Variants in PDE6C observed in about 807,000 individuals in gnomAD.
PDE6C encodes phosphodiesterase 6C.
In PDE6C, 75 loss-of-function variants were observed where a neutral mutation model predicts 113.1. The ratio of observed to expected loss-of-function variants is 0.66; its 90% CI spans 0.55 to 0.80. The LOEUF (loss-of-function observed/expected upper bound fraction) is 0.80, where lower values mean the gene tolerates loss of function less well. Ranked by LOEUF, PDE6C falls within the 30% of genes least tolerant of loss-of-function variation. The pLI, the probability that PDE6C is intolerant of heterozygous loss-of-function variation, is 0.00. For missense variants in PDE6C, 912 were observed against 1,038.6 expected, an observed-to-expected ratio of 0.88 and a Z score of 1.67; for synonymous variants, 375 against 363.7, an observed-to-expected ratio of 1.03 and a Z score of -0.35.
intron 1 of PDE6C, among the ~76,000 whole-genome samples, chr10:93,620,061 T>C (rs976477647): frequency 6.6e-6 from 1 of 151,926 alleles, no homozygotes; most frequent in African/African-American, 2.4e-5. Context: ...TTAGAAAAAA[T>C]AGAAAACTCT....
In PDE6C at chr10:93,639,988, G is replaced by A; in HGVS notation, c.1483-82G>A. ...ATTGTGTTCTTTTATTGTAATTTTG[G>A]TTTACACCCAATGTTGGCTATGGGA... On this transcript the variant is annotated intron_variant, in intron 11 of 21. Coordinates refer to ENST00000371447, the MANE Select transcript of PDE6C (RefSeq NM_006204.4). 6.3e-6 allele frequency: 9 copies of A among 1,420,472 alleles called. No individual in the cohort carries two copies. The South Asian group carries it at 1.0e-4, about 16-fold the overall frequency. The allele number at this position is 1,420,472 out of a possible 1,614,324, so 88.0% of individuals were successfully genotyped here.
chr10:93,665,257 C>T, intron 21 of PDE6C, 103 bp from the exon 22 acceptor site: 1 of 888,552 alleles, frequency 1.1e-6, no homozygotes, highest in East Asian at 2.4e-5. Flanking sequence ...GTTAAAATGA[C>T]TAATTAGTCT....
rs1429632937 is a variant in PDE6C at position 93,612,681 on chromosome 10, T to C, written c.-45T>C. ...CATCACTCTGCCTCAGGTAGTGCTCTGAAGGTCGTCCTTTCTGAACAAACG... is the reference window on the plus strand; with the variant it reads ...CATCACTCTGCCTCAGGTAGTGCTCCGAAGGTCGTCCTTTCTGAACAAACG... On this transcript the variant is annotated 5_prime_UTR_variant, in exon 1 of 22. An upstream open reading frame in the 5' UTR loses its in-frame stop. Transcript: ENST00000371447. 1 of 1,612,188 alleles carries C rather than the reference T, an allele frequency of 6.2e-7. No individual in the cohort carries two copies. The highest frequency in any genetic ancestry group is 1.7e-5 in the Admixed American group (1 of 60,030).
At chr10:93,650,638 T>C (rs578147414) in intron 15 of PDE6C, among the ~76,000 whole-genome samples, 2 of 152,326 alleles carry the variant, frequency 1.3e-5, no homozygotes, top group African/African-American at 4.8e-5. Context: ...AGAAGAAATG[T>C]TTTTGAAATG....
intron 7 of PDE6C, among the ~76,000 whole-genome samples, chr10:93,627,540 A>G (rs1231211215): frequency 6.6e-6 from 1 of 151,984 alleles, no homozygotes; most frequent in Non-Finnish European, 1.5e-5. Context: ...AATATGGGGG[A>G]TGGGGTGGGG....
rs138344914 is a variant in PDE6C, at chr10:93,626,061, C to A, written c.939+412C>A. On this transcript the variant is annotated intron_variant, in intron 5 of 21. Coordinates refer to ENST00000371447, the MANE Select transcript of PDE6C (RefSeq NM_006204.4). ...GGCAGAAACCCCTGTGTCCATAGCA[C>A]ACAGGAAAGAGAAGGGGATGGATTG... 2.0e-5 allele frequency among the ~76,000 whole-genome samples: 3 copies of A among 152,252 alleles called. No homozygotes were observed. In the East Asian group the frequency reaches 5.8e-4, roughly 29 times the overall value.
At chr10:93,655,012 C>T (rs1470378248) in intron 15 of PDE6C, among the ~76,000 whole-genome samples, 2 of 151,800 alleles carry the variant, frequency 1.3e-5, no homozygotes, top group Admixed American at 6.6e-5. Context: ...ACAGGAGTCT[C>T]ACCATGTTGC....
intron 15 of PDE6C, among the ~76,000 whole-genome samples, chr10:93,653,683 A>C (rs577057122): frequency 8.8e-5 from 13 of 147,398 alleles, no homozygotes; most frequent in Admixed American, 2.7e-4. Context: ...AAAACAAAAA[A>C]AAACATTGAT....
chr10:93,654,794 CTTTCTTTCTTTCTTTCT>C lies in PDE6C; in HGVS notation c.1936-962_1936-946del, dbSNP rs1221891809. Among the ~76,000 whole-genome samples the C allele has an allele frequency of 4.9e-3, 357 of 73,046 alleles. 4 individuals carry two copies. The highest frequency in any genetic ancestry group is 0.023 in the East Asian group (36 of 1,558). The allele number at this position is 73,046 out of a possible 152,430, so 47.9% of individuals were successfully genotyped here. A position where few individuals can be genotyped will look rare whatever the true frequency, so the allele number is the denominator to read the frequency against. On this transcript the variant is annotated intron_variant, in intron 15 of 21. Transcript: ENST00000371447. Reference sequence around the variant, plus strand: ...TCTTTCTTTCTTTCTTTCTTTCTTTCTTTCTTTCTTTCTTTCTTTTTTTTTTTTTTTGAAACAGGGTC... The same window carrying C: ...TCTTTCTTTCTTTCTTTCTTTCTTTCTTTTTTTTTTTTTTGAAACAGGGTC...
chr10:93,663,332 G>A (rs568696674), intron 21 of PDE6C, among the ~76,000 whole-genome samples, 154 bp downstream of exon 21: 1 of 152,256 alleles, frequency 6.6e-6, no homozygotes, highest in South Asian at 2.1e-4. Context: ...GTGGTTTTCA[G>A]GTCCCCCTGG....
At chr10:93,625,343 T>A (rs1332986639) in intron 4 of PDE6C, among the ~76,000 whole-genome samples, 1 of 152,204 alleles carries the variant, frequency 6.6e-6, no homozygotes, top group Admixed American at 6.5e-5. Context: ...CTCACAACAA[T>A]TCTTTAGTAC....
chr10:93,665,580 C>G lies in PDE6C; in HGVS notation c.*162C>G. On this transcript the variant is annotated 3_prime_UTR_variant, in exon 22 of 22. Coordinates refer to ENST00000371447, the MANE Select transcript of PDE6C (RefSeq NM_006204.4). ...ATTGCTAGCCCAAAAATCCCAGGGG[C>G]AAAATAAAGTTCAACAAAAGTGCAA... 1 of 609,942 alleles carries G rather than the reference C, an allele frequency of 1.6e-6. No homozygotes were observed. Among genetic ancestry groups the G allele is most frequent in the South Asian group, 2.0e-5 (1 of 49,796 alleles). The allele number at this position is 609,942 out of a possible 1,614,324, so 37.8% of individuals were successfully genotyped here.
At position 93,636,368 on chromosome 10, in the gene PDE6C, T is replaced by TGTGTGTGTG. The variant is rs373109205; in HGVS notation, c.1414-627_1414-626insGTGTGTGTG. Among the ~76,000 whole-genome samples the TGTGTGTGTG allele has an allele frequency of 5.4e-3, 758 of 141,354 alleles. 4 individuals carry two copies. The highest frequency in any genetic ancestry group is 0.012 in the African/African-American group (429 of 36,858). 92.7% of individuals were successfully genotyped at this position (141,354 alleles called of 152,430 possible). A position where few individuals can be genotyped will look rare whatever the true frequency, so the allele number is the denominator to read the frequency against. On this transcript the variant is annotated intron_variant, in intron 10 of 21. Coordinates refer to ENST00000371447, the MANE Select transcript of PDE6C (RefSeq NM_006204.4). ...CTCTATTTCTTTTATTTCCCTGGCT[T>TGTGTGTGTG]TGTGTGTGTGTGTGTGTGTGTGTGT...
intron 15 of PDE6C, among the ~76,000 whole-genome samples, chr10:93,650,669 C>T (rs1435221851): frequency 6.6e-6 from 1 of 152,168 alleles, no homozygotes; most frequent in African/African-American, 2.4e-5. Context: ...CAGAACTTCA[C>T]ATGATGGTGT....
At position 93,640,570 on chromosome 10, in the gene PDE6C, G is replaced by C. The variant is rs760162443; in HGVS notation, c.1737+13G>C. The C allele has an allele frequency of 1.2e-5, 19 of 1,539,238 alleles. No individual in the cohort carries two copies. Among genetic ancestry groups the C allele is most frequent in the Non-Finnish European group, 1.5e-5 (17 of 1,111,824 alleles). ...TACTTTGCTGATGGTAGGTACAGAG[G>C]GCTGTAAATCCTTGTAAACCTGCAG... On this transcript the variant is annotated intron_variant, in intron 13 of 21. Coordinates refer to ENST00000371447, the MANE Select transcript of PDE6C (RefSeq NM_006204.4).
At chr10:93,625,504 T>C (rs2058469016) in intron 4 of PDE6C, 71 bp from the exon 5 acceptor site, 4 of 1,036,590 alleles carry the variant, frequency 3.9e-6, no homozygotes, top group Non-Finnish European at 6.1e-6. Context: ...TACAAACACA[T>C]AAAATTCATA....
chr10:93,622,639 G>GTTTTTTTTTTT lies in PDE6C; in HGVS notation c.864+577_864+578insTTTTTTTTTTT, dbSNP rs67350128. 4.7e-4 allele frequency among the ~76,000 whole-genome samples: 53 copies of GTTTTTTTTTTT among 113,968 alleles called. 2 individuals carry two copies. Among genetic ancestry groups the GTTTTTTTTTTT allele is most frequent in the South Asian group, 1.3e-3 (5 of 3,838 alleles). The allele number at this position is 113,968 out of a possible 152,430, so 74.8% of individuals were successfully genotyped here. ...CCTTCCAAACTCCTGGTAGCCACAG[G>GTTTTTTTTTTT]TTTTTTTTTTGTTTTTTTTTTTGTT... On this transcript the variant is annotated intron_variant, in intron 4 of 21. Coordinates refer to ENST00000371447, the MANE Select transcript of PDE6C (RefSeq NM_006204.4).
In PDE6C at chr10:93,622,649, TGTTTTTTTTTTTGTTG is replaced by T. The variant is rs1167052709; in HGVS notation, c.864+578_864+593del. On this transcript the variant is annotated intron_variant, in intron 4 of 21. Coordinates refer to ENST00000371447, the MANE Select transcript of PDE6C (RefSeq NM_006204.4). Reference sequence around the variant, plus strand: ...TCCTGGTAGCCACAGGTTTTTTTTTTGTTTTTTTTTTTGTTGTTTTTTTTTTTTTGCTGTTTCTATA... The same window carrying T: ...TCCTGGTAGCCACAGGTTTTTTTTTTTTTTTTTTTTTTTGCTGTTTCTATA... Among the ~76,000 whole-genome samples, 44 of 70,282 alleles carry T rather than the reference TGTTTTTTTTTTTGTTG, an allele frequency of 6.3e-4. 1 individual carries two copies. The highest frequency in any genetic ancestry group is 1.7e-3 in the East Asian group (5 of 2,878). 46.1% of individuals were successfully genotyped at this position (70,282 alleles called of 152,430 possible). A position where few individuals can be genotyped will look rare whatever the true frequency, so the allele number is the denominator to read the frequency against.
chr10:93,659,073 CTATTT>C (rs761557568), intron 17 of PDE6C, 26 bp from the exon 18 acceptor site: 1 of 1,588,582 alleles, frequency 6.3e-7, no homozygotes, highest in East Asian at 2.3e-5. Context: ...GTACTTATTT[CTATTT>C]TAAAATTTTT....
Sources: allele counts gnomAD v4.1 joint callset (sites outside exome capture counted in the v4.1 genomes callset), GRCh38; gene constraint gnomAD v4.1.1; transcripts MANE v1.5; gene names NCBI Gene and HGNC (gene_info 2026-07-23, HGNC 2026-07-21).